CELF2: variants seen among roughly 807,000 people sequenced by gnomAD.
CELF2 encodes the protein CUG triplet repeat RNA-binding protein 2.
In CELF2, 8 loss-of-function variants were observed where a neutral mutation model predicts 62.6. That is an observed-to-expected ratio of 0.13 (90% CI 0.07 to 0.23). The LOEUF (loss-of-function observed/expected upper bound fraction) is 0.23. Among genes scored for constraint, CELF2 ranks in the 10% least tolerant of loss-of-function variants. CELF2 has a pLI of 1.00. For missense variants in CELF2, 333 were observed against 671.0 expected (o/e 0.50, Z 5.56); for synonymous variants, 258 against 250.0 (o/e 1.03, Z -0.30).
rs1326954383 is a variant in CELF2 at position 11,328,121 on chromosome 10, A to G, written c.1439-805A>G. ...TGTTTATGGTGGAGGTCGTTGCTAC[A>G]GAGTAAGAGATGGGGAATTCTCTTC... On this transcript the variant is annotated intron_variant, in intron 12 of 12. Coordinates refer to ENST00000633077, the MANE Select transcript of CELF2 (RefSeq NM_001326342.2). This position sits in a 1 kb window ranked among gnomAD's most constrained non-coding sequence, Gnocchi z 6.4. 1.3e-5 allele frequency among the ~76,000 whole-genome samples: 2 copies of G among 152,206 alleles called. No homozygotes were observed. The highest frequency in any genetic ancestry group is 4.8e-5 in the African/African-American group (2 of 41,450).
the CELF2 span, among the ~76,000 whole-genome samples, chr10:10,687,155 A>G: frequency 2.0e-5 from 3 of 152,154 alleles, no homozygotes; most frequent in Non-Finnish European, 4.4e-5. Context: ...GAAGTGCTGC[A>G]CAGATGGGCA....
rs146602407 is a variant in CELF2 at position 11,267,307 on chromosome 10, T to C, written c.618+630T>C. ...TCAAATGTGGTCTCCTAATGAGAGA[T>C]CATGGCTTTAGGGGAAGGTAAACAC... On this transcript the variant is annotated intron_variant, in intron 6 of 12. Transcript: ENST00000633077. This position sits in a 1 kb window ranked among gnomAD's most constrained non-coding sequence, Gnocchi z 4.4. Among the ~76,000 whole-genome samples the C allele has an allele frequency of 6.8e-3, 1,032 of 152,336 alleles. 7 individuals carry two copies. The highest frequency in any genetic ancestry group is 0.024 in the Middle Eastern group (7 of 294).
At chr10:10,616,494 C>G in the CELF2 span, among the ~76,000 whole-genome samples, 1 of 151,870 alleles carries the variant, frequency 6.6e-6, no homozygotes, top group African/African-American at 2.4e-5. Flanking sequence ...GTATAAAATG[C>G]CTAACAAATA....
intron 1 of CELF2, among the ~76,000 whole-genome samples, chr10:11,049,045 T>C (rs922234724): frequency 6.6e-6 from 1 of 151,992 alleles, no homozygotes; most frequent in African/African-American, 2.4e-5. Flanking sequence ...GTGTAACCTA[T>C]TACCATGAGA....
At position 10,939,273 on chromosome 10, in the gene CELF2, T is replaced by TGTG. The variant is rs879457464; in HGVS notation, c.89+19278_89+19280dup. On this transcript the variant is annotated intron_variant, in intron 2 of 13. Transcript: ENST00000636488. ...TGATAATTAGCAAGTTCTTTTGTTTTGTGGTGTTGTTGTTGTTGTTGTTGT... is the reference window on the plus strand; with the variant it reads ...TGATAATTAGCAAGTTCTTTTGTTTTGTGGTGGTGTTGTTGTTGTTGTTGTTGT... Among the ~76,000 whole-genome samples, 72 of 99,124 alleles carry TGTG rather than the reference T, an allele frequency of 7.3e-4. 1 individual carries two copies. Among genetic ancestry groups the TGTG allele is most frequent in the Admixed American group, 3.5e-3 (30 of 8,602 alleles). The allele number at this position is 99,124 out of a possible 152,430, so 65.0% of individuals were successfully genotyped here.
At chr10:10,967,507 G>T (rs1379445910) in intron 2 of CELF2, among the ~76,000 whole-genome samples, 2 of 152,180 alleles carry the variant, frequency 1.3e-5, no homozygotes, top group African/African-American at 2.4e-5. Flanking sequence ...CGGGGGAAAT[G>T]CCTGTATGAG....
At chr10:11,209,147 G>A (rs2061163918) in intron 2 of CELF2, among the ~76,000 whole-genome samples, 1 of 152,104 alleles carries the variant, frequency 6.6e-6, no homozygotes, top group African/African-American at 2.4e-5. Context: ...ATAGCCATCT[G>A]CGTTCAGCAT....
intron 1 of CELF2, among the ~76,000 whole-genome samples, chr10:11,124,653 T>C (rs1231879594): frequency 1.3e-5 from 2 of 152,196 alleles, no homozygotes; most frequent in East Asian, 1.9e-4. Context: ...CATGCATCTG[T>C]TGAGTACCTA....
At chr10:10,530,108 G>A in the CELF2 span, among the ~76,000 whole-genome samples, 10 of 152,146 alleles carry the variant, frequency 6.6e-5, no homozygotes, top group African/African-American at 2.2e-4. Context: ...TGGATCTCAT[G>A]CAAGAAAGAA....
In CELF2 at chr10:10,938,904, G is replaced by C. The variant is rs941929400; in HGVS notation, c.89+18905G>C. On this transcript the variant is annotated intron_variant, in intron 2 of 13. Coordinates refer to the CELF2 transcript ENST00000636488. This position sits in a 1 kb window ranked among gnomAD's most constrained non-coding sequence, Gnocchi z 4.2. ...AGTTGAAGTCACCCCAGGGGTGTTT[G>C]CTCTTGTGTGCATCTGTCTTTCTCC... Among the ~76,000 whole-genome samples the C allele has an allele frequency of 6.6e-6, 1 of 152,172 alleles. No individual in the cohort carries two copies. Among genetic ancestry groups the C allele is most frequent in the Admixed American group, 6.5e-5 (1 of 15,276 alleles).
rs1330446832 is a variant in CELF2 at position 11,005,381 on chromosome 10, T to C, written c.-7T>C. ...CTGGCTTTTGTTGAGACTATCAGTA[T>C]AGAAGCATGCGCTGTCCCAAATCCG... is the stretch of plus-strand genomic sequence containing the variant. On this transcript the variant is annotated 5_prime_UTR_variant, in exon 1 of 13. Coordinates refer to the CELF2 transcript ENST00000416382. The surrounding 1 kb of genome is among the most constrained non-coding windows in gnomAD (Gnocchi z 4.3). 3 of 1,613,784 alleles carry C rather than the reference T, an allele frequency of 1.9e-6. No homozygotes were observed. The highest frequency in any genetic ancestry group is 1.7e-6 in the Non-Finnish European group (2 of 1,179,844).
In CELF2 at chr10:11,324,594, G is replaced by A. The variant is rs2095626426; in HGVS notation, c.1295-1242G>A. On this transcript the variant is annotated intron_variant, in intron 11 of 12. Coordinates refer to ENST00000633077, the MANE Select transcript of CELF2 (RefSeq NM_001326342.2). The surrounding 1 kb of genome is among the most constrained non-coding windows in gnomAD (Gnocchi z 4.7). ...CACACTTTTAAATGAGAAAGGAAGA[G>A]TTCACTCTGTGGCTTCCATAGTTTG... Among the ~76,000 whole-genome samples the A allele has an allele frequency of 6.6e-6, 1 of 152,208 alleles. No homozygotes were observed. Among genetic ancestry groups the A allele is most frequent in the African/African-American group, 2.4e-5 (1 of 41,460 alleles).
At chr10:10,543,211 T>C in the CELF2 span, among the ~76,000 whole-genome samples, 4 of 152,184 alleles carry the variant, frequency 2.6e-5, no homozygotes, top group African/African-American at 9.7e-5. Flanking sequence ...AAATGGTTGG[T>C]CTCATTCCTC....
intron 2 of CELF2, among the ~76,000 whole-genome samples, chr10:11,179,996 A>G (rs2072754509): frequency 6.6e-6 from 1 of 152,198 alleles, no homozygotes; most frequent in African/African-American, 2.4e-5. Flanking sequence ...CTCTGTCAGC[A>G]GCCCCAAATA....
chr10:11,208,512 G>A lies in CELF2; in HGVS notation c.272-8913G>A, dbSNP rs571150839. 2.1e-4 allele frequency among the ~76,000 whole-genome samples: 32 copies of A among 152,286 alleles called. No homozygotes were observed. The South Asian group carries it at 5.6e-3, about 27-fold the overall frequency. On this transcript the variant is annotated intron_variant, in intron 2 of 12. Coordinates refer to ENST00000633077, the MANE Select transcript of CELF2 (RefSeq NM_001326342.2). ...GCTAACAGACTGAGCAGGGACACTCGGCAAGGCCTGCCTGTCCGCATTCTC... is the reference window on the plus strand; with the variant it reads ...GCTAACAGACTGAGCAGGGACACTCAGCAAGGCCTGCCTGTCCGCATTCTC...
At chr10:10,476,972 G>A in the CELF2 span, among the ~76,000 whole-genome samples, 1 of 152,074 alleles carries the variant, frequency 6.6e-6, no homozygotes, top group Non-Finnish European at 1.5e-5. Flanking sequence ...GACCGACAAT[G>A]TAATTGAAAT....
chr10:10,800,299 G>C (rs528708022), intron 1 of CELF2, among the ~76,000 whole-genome samples: 29 of 152,186 alleles, frequency 1.9e-4, no homozygotes, highest in African/African-American at 6.5e-4. Context: ...TCATGTTTCT[G>C]CCTAACTTTC....
In CELF2 at chr10:11,134,583, T is replaced by C. The variant is rs2060132130; in HGVS notation, c.75-30903T>C. On this transcript the variant is annotated intron_variant, in intron 1 of 12. Transcript: ENST00000633077. ...GACTCTGTCTTCCGTACCAGGGCTG[T>C]TCTGTGGAGCCACAGACTGTGTGCC... Among the ~76,000 whole-genome samples, 6 of 152,354 alleles carry C rather than the reference T, an allele frequency of 3.9e-5. No homozygotes were observed. In the South Asian group the frequency reaches 1.2e-3, roughly 32 times the overall value.
rs78768269 is a variant in CELF2, at chr10:10,878,372, C to G, written c.54-41592C>G. On this transcript the variant is annotated intron_variant, in intron 1 of 13. Transcript: ENST00000636488. ...AGGCCTTTCTGTGAGTCTCTGAGCA[C>G]AGTGGGTTACTTTCCTGGACAAGAC... Among the ~76,000 whole-genome samples the G allele has an allele frequency of 7.9e-3, 1,196 of 152,284 alleles. 23 individuals carry two copies. Among genetic ancestry groups the G allele is most frequent in the African/African-American group, 0.027 (1,132 of 41,544 alleles).
Sources: allele counts gnomAD v4.1 joint callset (sites outside exome capture counted in the v4.1 genomes callset), GRCh38; gene constraint gnomAD v4.1.1; non-coding constraint Gnocchi (gnomAD v3.1); transcripts MANE v1.5; gene names NCBI Gene and HGNC (gene_info 2026-07-23, HGNC 2026-07-21).